The following PCDH15 variants were observed in gnomAD, a reference collection of about 807,000 sequenced individuals.
PCDH15 encodes the protein protocadherin-15.
In PCDH15, 129 loss-of-function variants were observed where a neutral mutation model predicts 178.5. That is an observed-to-expected ratio of 0.72 (90% CI 0.63 to 0.84). The LOEUF (loss-of-function observed/expected upper bound fraction) is 0.84, where lower values mean the gene tolerates loss of function less well. PCDH15 is among the 40% of genes least tolerant of loss of function. The pLI is 0.00. For synonymous variants in PCDH15, 800 were observed against 732.0 expected (o/e 1.09, Z -1.50); for missense variants, 2,230 against 2,099.9 (o/e 1.06, Z -1.21).
At chr10:55,096,081 G>A (rs1374441256) in intron 2 of PCDH15, among the ~76,000 whole-genome samples, 1 of 151,764 alleles carries the variant, frequency 6.6e-6, no homozygotes, top group Non-Finnish European at 1.5e-5. Flanking sequence ...TTATTTGATT[G>A]GAAACAAAAA....
At chr10:55,142,575 A>C (rs1460510217) in intron 2 of PCDH15, among the ~76,000 whole-genome samples, 2 of 63,990 alleles carry the variant, frequency 3.1e-5, no homozygotes, top group African/African-American at 9.5e-5. Flanking sequence ...GATTGTGTGT[A>C]TCTATAGTTT....
intron 2 of PCDH15, among the ~76,000 whole-genome samples, chr10:55,554,748 A>G (rs1842059307): frequency 1.3e-5 from 2 of 152,234 alleles, no homozygotes; most frequent in South Asian, 4.1e-4. Flanking sequence ...CATATTAACT[A>G]AAGTCCATAG....
intron 1 of PCDH15, among the ~76,000 whole-genome samples, chr10:55,244,582 C>T (rs1050743913): frequency 2.6e-5 from 4 of 151,896 alleles, no homozygotes; most frequent in Admixed American, 6.6e-5. Flanking sequence ...TACACACACA[C>T]ACACACACAC....
chr10:54,202,290 C>A (rs1229655543), intron 10 of PCDH15, among the ~76,000 whole-genome samples: 3 of 150,718 alleles, frequency 2.0e-5, no homozygotes, highest in Non-Finnish European at 4.4e-5. Flanking sequence ...CCTGCTTGGC[C>A]AATTTTCGCA....
At chr10:53,909,771 A>T (rs909660105) in intron 25 of PCDH15, among the ~76,000 whole-genome samples, 7 of 152,130 alleles carry the variant, frequency 4.6e-5, no homozygotes, top group African/African-American at 1.7e-4. Context: ...GTCATGACAG[A>T]TTGTATCTGG....
At chr10:54,667,512 A>G (rs2094590168) in intron 1 of PCDH15, among the ~76,000 whole-genome samples, 1 of 152,112 alleles carries the variant, frequency 6.6e-6, no homozygotes, top group Non-Finnish European at 1.5e-5. Context: ...TAGACAAAAG[A>G]CTGTTTTTGT....
intron 3 of PCDH15, among the ~76,000 whole-genome samples, chr10:54,456,237 G>A (rs2076812603): frequency 6.6e-6 from 1 of 152,182 alleles, no homozygotes; most frequent in Non-Finnish European, 1.5e-5. Flanking sequence ...ATGTCAGCCT[G>A]TGAAAGCAGC....
At chr10:55,316,744 T>C (rs994794684) in intron 1 of PCDH15, among the ~76,000 whole-genome samples, 7 of 152,158 alleles carry the variant, frequency 4.6e-5, no homozygotes, top group Non-Finnish European at 1.0e-4. Flanking sequence ...TTTTCTGTAA[T>C]ACAGGCACAT....
intron 2 of PCDH15, among the ~76,000 whole-genome samples, chr10:55,523,289 A>G (rs1390111055): frequency 1.3e-5 from 2 of 149,820 alleles, no homozygotes; most frequent in Non-Finnish European, 3.0e-5. Context: ...TATTTTCTTC[A>G]TTTTTTTCTT....
At chr10:54,596,523 A>G (rs979191699) in intron 2 of PCDH15, among the ~76,000 whole-genome samples, 3 of 152,200 alleles carry the variant, frequency 2.0e-5, no homozygotes, top group African/African-American at 7.2e-5. Context: ...GACACAGACC[A>G]GTAACACTAT....
intron 3 of PCDH15, among the ~76,000 whole-genome samples, chr10:54,487,036 A>G (rs567682274): frequency 6.6e-6 from 1 of 152,176 alleles, no homozygotes; most frequent in African/African-American, 2.4e-5. Flanking sequence ...TGCCATTCAT[A>G]CTTGTCATTA....
intron 2 of PCDH15, among the ~76,000 whole-genome samples, chr10:54,660,381 C>A (rs1460802666): frequency 2.0e-5 from 3 of 151,818 alleles, no homozygotes; most frequent in Admixed American, 6.6e-5. Context: ...TGAATAAATC[C>A]CTGGAAACAT....
At chr10:54,835,454 C>A (rs1322126021) in intron 3 of PCDH15, among the ~76,000 whole-genome samples, 1 of 152,030 alleles carries the variant, frequency 6.6e-6, no homozygotes, top group East Asian at 1.9e-4. Context: ...TATGTACATC[C>A]CTATACATAT....
At chr10:55,072,275 T>C (rs1405095296) in intron 2 of PCDH15, among the ~76,000 whole-genome samples, 2 of 151,820 alleles carry the variant, frequency 1.3e-5, no homozygotes, top group African/African-American at 2.4e-5. Flanking sequence ...AATAGAGACA[T>C]AAAAATCCCT....
chr10:53,977,646 C>A lies in PCDH15; in HGVS notation c.2869-15754G>T, dbSNP rs147473360. ...TCAAAACACAATCATGCCTTCCCAA[C>A]AGTCCCTCAAAGTCTTAACTCATTT... is the stretch of plus-strand genomic sequence containing the variant. On this transcript the variant is annotated intron_variant, in intron 21 of 37. Transcript: ENST00000644397. 9.3e-3 allele frequency among the ~76,000 whole-genome samples: 1,411 copies of A among 152,322 alleles called. 11 individuals are homozygous for A. The highest frequency in any genetic ancestry group is 0.017 in the Middle Eastern group (5 of 294).
chr10:53,942,232 T>C (rs2086127611), intron 23 of PCDH15, among the ~76,000 whole-genome samples: 1 of 152,200 alleles, frequency 6.6e-6, no homozygotes, highest in Non-Finnish European at 1.5e-5. Flanking sequence ...AAATGAAGTG[T>C]GTAAAGTAGA....
intron 3 of PCDH15, among the ~76,000 whole-genome samples, chr10:54,484,516 C>A (rs150489783): frequency 6.6e-6 from 1 of 151,976 alleles, no homozygotes; most frequent in Non-Finnish European, 1.5e-5. Flanking sequence ...TGCTAGAATA[C>A]CTCAAATGGA....
chr10:54,559,865 AAAAAAAAAAGAAAAG>A (rs55946858), intron 2 of PCDH15, among the ~76,000 whole-genome samples: 36,724 of 118,832 alleles, frequency 0.31, 5,260 homozygotes, highest in East Asian at 0.41. Context: ...AAAAAAAAAA[AAAAAAAAAAGAAAAG>A]AAAAGGTGGT....
chr10:55,043,671 G>GT (rs1242699707), intron 2 of PCDH15, among the ~76,000 whole-genome samples: 1 of 151,704 alleles, frequency 6.6e-6, no homozygotes, highest in African/African-American at 2.4e-5. Context: ...GATTGTGCCA[G>GT]TGCACTCAAG....
Sources: allele counts gnomAD v4.1 joint callset (sites outside exome capture counted in the v4.1 genomes callset), GRCh38; gene constraint gnomAD v4.1.1; transcripts MANE v1.5; gene names NCBI Gene and HGNC (gene_info 2026-07-23, HGNC 2026-07-21).